The following ATRNL1 variants were observed in gnomAD, a reference collection of about 807,000 sequenced individuals.
The protein encoded by ATRNL1 is attractin-like protein 1.
Under a neutral mutation model 182.7 loss-of-function variants are expected in ATRNL1, and 95 were observed. That is an observed-to-expected ratio of 0.52 (90% CI 0.44 to 0.62). ATRNL1 has a LOEUF of 0.62. Among genes scored for constraint, ATRNL1 ranks in the 20% least tolerant of loss-of-function variants. The pLI, the probability that ATRNL1 is intolerant of heterozygous loss-of-function variation, is 0.00. For missense variants in ATRNL1, 1,471 were observed against 1,679.5 expected (o/e 0.88, Z 2.17); for synonymous variants, 576 against 568.3 (o/e 1.01, Z -0.19).
intron 18 of ATRNL1, among the ~76,000 whole-genome samples, chr10:115,327,945 G>A (rs1554933907): frequency 1.3e-5 from 2 of 152,006 alleles, no homozygotes; most frequent in African/African-American, 4.8e-5. Context: ...TGGGGTGGGG[G>A]GAAGTGGGGA....
At chr10:115,725,485 A>G (rs1347641355) in intron 26 of ATRNL1, among the ~76,000 whole-genome samples, 1 of 152,158 alleles carries the variant, frequency 6.6e-6, no homozygotes, top group Non-Finnish European at 1.5e-5. Context: ...GAAGCTGTTC[A>G]TTTTGTCTAG....
intron 26 of ATRNL1, among the ~76,000 whole-genome samples, chr10:115,674,882 C>T (rs746488384): frequency 3.6e-4 from 55 of 152,014 alleles, no homozygotes; most frequent in Non-Finnish European, 1.2e-4. Context: ...AAATTCAACC[C>T]AGCCTTTATA....
At chr10:115,582,609 A>G (rs1466100992) in intron 26 of ATRNL1, among the ~76,000 whole-genome samples, 2 of 137,400 alleles carry the variant, frequency 1.5e-5, no homozygotes, top group African/African-American at 5.1e-5. Context: ...TTTTTCTTGT[A>G]AATTTGTTTG....
intron 25 of ATRNL1, among the ~76,000 whole-genome samples, chr10:115,523,125 G>A (rs1253214391): frequency 4.6e-5 from 7 of 152,166 alleles, no homozygotes; most frequent in Non-Finnish European, 7.3e-5. Context: ...AGTGGAAGCC[G>A]ACAAGCCTCT....
intron 19 of ATRNL1, among the ~76,000 whole-genome samples, chr10:115,367,097 G>A (rs7893373): frequency 0.44 from 27,511 of 62,760 alleles, 7,619 homozygotes; most frequent in Middle Eastern, 0.71. Flanking sequence ...TCTCCTGGAT[G>A]ATATCCTGCA....
intron 27 of ATRNL1, among the ~76,000 whole-genome samples, chr10:115,771,596 T>C (rs181307682): frequency 9.2e-5 from 14 of 152,310 alleles, no homozygotes; most frequent in Admixed American, 3.3e-4. Context: ...TTTTAGAAAA[T>C]GCCTTTTTTA....
At chr10:115,769,460 T>A (rs1470417951) in intron 27 of ATRNL1, among the ~76,000 whole-genome samples, 1 of 152,166 alleles carries the variant, frequency 6.6e-6, no homozygotes, top group Admixed American at 6.5e-5. Flanking sequence ...AACAGACATA[T>A]GTTTGATTCT....
intron 27 of ATRNL1, among the ~76,000 whole-genome samples, chr10:115,845,754 G>A (rs532015648): frequency 7.0e-4 from 106 of 151,486 alleles, no homozygotes; most frequent in African/African-American, 2.3e-3. Flanking sequence ...TTAATACACT[G>A]AGAGTTTAAA....
chr10:115,190,153 T>G (rs1848113640), intron 8 of ATRNL1, among the ~76,000 whole-genome samples: 1 of 152,124 alleles, frequency 6.6e-6, no homozygotes, highest in South Asian at 2.1e-4. Flanking sequence ...TGCCTAACAG[T>G]GCATTTCTCA....
chr10:115,124,533 A>G (rs1592132974), intron 3 of ATRNL1, among the ~76,000 whole-genome samples: 1 of 152,152 alleles, frequency 6.6e-6, no homozygotes. Flanking sequence ...TTATGTAGCC[A>G]TGAGTGATTG....
At chr10:115,711,098 A>T in intron 26 of ATRNL1, among the ~76,000 whole-genome samples, 1 of 152,142 alleles carries the variant, frequency 6.6e-6, no homozygotes, top group East Asian at 1.9e-4. Context: ...TGGGTTCTAA[A>T]CAAATAGGAA....
chr10:115,812,712 G>A (rs1950074949), intron 27 of ATRNL1, among the ~76,000 whole-genome samples: 1 of 151,954 alleles, frequency 6.6e-6, no homozygotes, highest in Non-Finnish European at 1.5e-5. Flanking sequence ...CCTGACCTCT[G>A]TTGATCCACC....
At chr10:115,633,939 CTTTATTATCATTAT>C (rs1332594698) in intron 26 of ATRNL1, among the ~76,000 whole-genome samples, 2 of 151,844 alleles carry the variant, frequency 1.3e-5, no homozygotes, top group Non-Finnish European at 2.9e-5. Flanking sequence ...ATAAATTTAC[CTTTATTATCATTAT>C]TATGTTTTAT....
intron 8 of ATRNL1, among the ~76,000 whole-genome samples, chr10:115,177,470 G>A (rs182080296): frequency 2.6e-5 from 4 of 152,220 alleles, no homozygotes; most frequent in Non-Finnish European, 5.9e-5. Context: ...ATTCTATTTG[G>A]GAAAGTGTAG....
intron 8 of ATRNL1, among the ~76,000 whole-genome samples, chr10:115,175,983 C>G (rs1352881914): frequency 1.3e-5 from 2 of 152,126 alleles, no homozygotes; most frequent in Non-Finnish European, 2.9e-5. Context: ...TGTTTCCTGA[C>G]TTTTTAATGA....
intron 26 of ATRNL1, among the ~76,000 whole-genome samples, chr10:115,714,653 T>C (rs1344606667): frequency 6.6e-6 from 1 of 152,132 alleles, no homozygotes; most frequent in African/African-American, 2.4e-5. Context: ...ACCCCAACAG[T>C]TCAATAGATT....
chr10:115,098,711 C>G (rs1019705069), intron 1 of ATRNL1, among the ~76,000 whole-genome samples: 1 of 151,888 alleles, frequency 6.6e-6, no homozygotes, highest in Non-Finnish European at 1.5e-5. Flanking sequence ...CCCGCCTCGG[C>G]CTCCTAAAGT....
At chr10:115,566,507 G>C (rs1019891024) in intron 26 of ATRNL1, among the ~76,000 whole-genome samples, 1 of 152,058 alleles carries the variant, frequency 6.6e-6, no homozygotes, top group Admixed American at 6.6e-5. Flanking sequence ...TGTTTTCTAT[G>C]TAGAATGTTC....
intron 26 of ATRNL1, among the ~76,000 whole-genome samples, chr10:115,726,565 T>C (rs1438919529): frequency 6.6e-6 from 1 of 152,232 alleles, no homozygotes; most frequent in African/African-American, 2.4e-5. Context: ...GGTTTTAGCC[T>C]GGGCACAGCC....
Sources: allele counts gnomAD v4.1 joint callset (sites outside exome capture counted in the v4.1 genomes callset), GRCh38; gene constraint gnomAD v4.1.1; transcripts MANE v1.5; gene names NCBI Gene and HGNC (gene_info 2026-07-23, HGNC 2026-07-21).